TASP1: variants seen among roughly 807,000 people sequenced by gnomAD.
TASP1 encodes the protein taspase 1, also known as threonine aspartase 1.
In TASP1, 16 loss-of-function variants were observed where a neutral mutation model predicts 56.6. The observed-to-expected ratio is 0.28, with a 90% CI of 0.19 to 0.43. The LOEUF is 0.43. Ranked by LOEUF, TASP1 falls within the 20% of genes least tolerant of loss-of-function variation. The pLI is 1.00. For synonymous variants in TASP1, 179 were observed against 184.2 expected, an observed-to-expected ratio of 0.97 and a Z score of 0.23; for missense variants, 393 against 511.6, an observed-to-expected ratio of 0.77 and a Z score of 2.24.
the TASP1 span, among the ~76,000 whole-genome samples, chr20:13,259,614 G>A: frequency 1.3e-5 from 2 of 152,220 alleles, no homozygotes; most frequent in Non-Finnish European, 2.9e-5. Flanking sequence ...GATGAAGTAA[G>A]TGTGTAAACA....
the TASP1 span, among the ~76,000 whole-genome samples, chr20:13,315,440 C>T: frequency 3.9e-5 from 6 of 152,076 alleles, no homozygotes; most frequent in East Asian, 3.9e-4. Context: ...AGGGATAAAA[C>T]GAGTTGTTAC....
the TASP1 span, among the ~76,000 whole-genome samples, chr20:13,220,085 C>T: frequency 2.0e-5 from 3 of 152,008 alleles, no homozygotes; most frequent in Non-Finnish European, 2.9e-5. Flanking sequence ...AAATGTGCGA[C>T]GCGGCTGTGT....
At chr20:13,218,544 T>A in the TASP1 span, among the ~76,000 whole-genome samples, 1 of 152,316 alleles carries the variant, frequency 6.6e-6, no homozygotes, top group Admixed American at 6.5e-5. Flanking sequence ...GTGCCCCAAG[T>A]GTCATAAAAT....
At chr20:13,240,144 T>C in the TASP1 span, among the ~76,000 whole-genome samples, 1 of 152,232 alleles carries the variant, frequency 6.6e-6, no homozygotes, top group East Asian at 1.9e-4. Context: ...TACAATTCCA[T>C]TCATTCATTC....
chr20:13,423,770 T>C (rs1374565168), intron 12 of TASP1, among the ~76,000 whole-genome samples: 2 of 152,202 alleles, frequency 1.3e-5, no homozygotes, highest in Admixed American at 1.3e-4. Flanking sequence ...TGTTTTCATA[T>C]ATTTCCTATT....
chr20:13,247,181 A>ATAGGG, the TASP1 span, among the ~76,000 whole-genome samples: 1 of 152,246 alleles, frequency 6.6e-6, no homozygotes, highest in East Asian at 1.9e-4. Context: ...CAGTGAGCCG[A>ATAGGG]GATCGCACCA....
chr20:13,577,983 T>C (rs999404823), intron 6 of TASP1, among the ~76,000 whole-genome samples: 2 of 152,218 alleles, frequency 1.3e-5, no homozygotes, highest in Admixed American at 1.3e-4. Flanking sequence ...CTTCATGTGC[T>C]GTACAAGCCT....
intron 7 of TASP1, among the ~76,000 whole-genome samples, chr20:13,568,207 G>C (rs1421862370): frequency 6.6e-6 from 1 of 151,972 alleles, no homozygotes; most frequent in South Asian, 2.1e-4. Flanking sequence ...GAATACAGTG[G>C]TGCAATCATA....
the TASP1 span, among the ~76,000 whole-genome samples, chr20:13,158,704 C>T: frequency 6.6e-6 from 1 of 152,168 alleles, no homozygotes; most frequent in Non-Finnish European, 1.5e-5. Context: ...AATCAAAGGG[C>T]TAATGTTGCC....
the TASP1 span, among the ~76,000 whole-genome samples, chr20:13,112,520 G>C: frequency 9.2e-5 from 14 of 152,276 alleles, no homozygotes; most frequent in African/African-American, 1.9e-4. Flanking sequence ...CCCCCTGATG[G>C]AGGATCCACT....
At chr20:13,105,798 C>T in the TASP1 span, among the ~76,000 whole-genome samples, 1 of 152,098 alleles carries the variant, frequency 6.6e-6, no homozygotes, top group African/African-American at 2.4e-5. Context: ...TTTTATTCAC[C>T]ATCTCTTTAT....
At chr20:13,201,520 A>G in the TASP1 span, among the ~76,000 whole-genome samples, 1 of 152,220 alleles carries the variant, frequency 6.6e-6, no homozygotes, top group South Asian at 2.1e-4. Context: ...TCAATCAACT[A>G]AAAAAGAAAG....
At chr20:13,548,649 G>C (rs1318259413) in intron 8 of TASP1, among the ~76,000 whole-genome samples, 2 of 152,110 alleles carry the variant, frequency 1.3e-5, no homozygotes, top group Non-Finnish European at 2.9e-5. Context: ...AGGAAGAGCT[G>C]CAACTCCAAG....
At chr20:13,184,621 A>G in the TASP1 span, among the ~76,000 whole-genome samples, 1 of 152,202 alleles carries the variant, frequency 6.6e-6, no homozygotes, top group Non-Finnish European at 1.5e-5. Flanking sequence ...ACTTATGGGC[A>G]TAGTATTCTT....
chr20:13,489,158 G>A (rs957224040), intron 10 of TASP1, among the ~76,000 whole-genome samples: 3 of 152,074 alleles, frequency 2.0e-5, no homozygotes, highest in Non-Finnish European at 2.9e-5. Context: ...CTAGGCAGAT[G>A]GAGACTCCAT....
intron 11 of TASP1, among the ~76,000 whole-genome samples, chr20:13,462,447 T>A (rs1446262030): frequency 6.6e-6 from 1 of 152,164 alleles, no homozygotes; most frequent in Non-Finnish European, 1.5e-5. Context: ...GGCATGCACA[T>A]TGATTTTGAT....
At chr20:13,246,272 CAAAA>C in the TASP1 span, among the ~76,000 whole-genome samples, 1 of 121,082 alleles carries the variant, frequency 8.3e-6, no homozygotes. Context: ...GACTCCATCT[CAAAA>C]AAAAAAAAAA....
At chr20:13,393,056 C>A in intron 13 of TASP1, 1 of 593,506 alleles carries the variant, frequency 1.7e-6, no homozygotes, top group East Asian at 3.7e-5. Context: ...TCTGCTGAGG[C>A]CCCCATGTTT....
the TASP1 span, among the ~76,000 whole-genome samples, chr20:13,379,319 CTCTTTT>C: frequency 6.6e-6 from 1 of 152,174 alleles, no homozygotes; most frequent in Non-Finnish European, 1.5e-5. Flanking sequence ...GATTTTATTT[CTCTTTT>C]GCTTATGAAG....
Sources: gnomAD v4.1 joint callset for allele counts (sites outside exome capture counted in the v4.1 genomes callset) on GRCh38, gnomAD v4.1.1 for gene constraint, MANE v1.5 for transcripts, NCBI Gene and HGNC (gene_info 2026-07-23, HGNC 2026-07-21) for gene names.